Variants in ADGRV1 observed in about 807,000 individuals in gnomAD.
ADGRV1 encodes the protein adhesion G protein-coupled receptor V1, also known as G-protein coupled receptor 98.
In ADGRV1, 359 loss-of-function variants were observed where a neutral mutation model predicts 596.2. The observed-to-expected ratio is 0.60, with a 90% CI of 0.55 to 0.66. The LOEUF is 0.66. Among genes scored for constraint, ADGRV1 ranks in the 30% least tolerant of loss-of-function variants. ADGRV1 has a pLI of 0.00. For missense variants in ADGRV1, 7,274 were observed against 7,575.6 expected (o/e 0.96, Z 1.48); for synonymous variants, 2,681 against 2,679.2 (o/e 1.00, Z -0.02).
At chr5:90,915,573 C>T (rs763448931) in intron 83 of ADGRV1, among the ~76,000 whole-genome samples, 2 of 152,130 alleles carry the variant, frequency 1.3e-5, no homozygotes, top group South Asian at 2.1e-4. Flanking sequence ...CAAAAATTAA[C>T]GCTGATTGTG....
intron 77 of ADGRV1, among the ~76,000 whole-genome samples, chr5:90,834,909 T>A (rs2150342139): frequency 6.6e-6 from 1 of 151,684 alleles, no homozygotes; most frequent in African/African-American, 2.4e-5. Context: ...TCTTTCTTTT[T>A]CTTTCTCTTT....
chr5:90,676,603 G>A (rs938106070), intron 25 of ADGRV1, among the ~76,000 whole-genome samples: 2 of 152,132 alleles, frequency 1.3e-5, no homozygotes, highest in African/African-American at 4.8e-5. Context: ...GCATGTTCGT[G>A]CTATTTTTCC....
chr5:90,913,931 T>G (rs1773123357), intron 83 of ADGRV1, among the ~76,000 whole-genome samples: 1 of 152,138 alleles, frequency 6.6e-6, no homozygotes, highest in South Asian at 2.1e-4. Flanking sequence ...TGCTATAATG[T>G]TTTTTCACCA....
chr5:90,685,827 C>G lies in ADGRV1; in HGVS notation c.6322C>G (p.Leu2108Val). The G allele has an allele frequency of 1.2e-6, 2 of 1,612,036 alleles. No individual in the cohort carries two copies. Among genetic ancestry groups the G allele is most frequent in the Non-Finnish European group, 1.7e-6 (2 of 1,178,860 alleles). The change falls in exon 29 of 90, where the codon CTA (leucine) becomes GTA (valine). Residue 2108 changes from leucine to valine, a missense_variant. By Grantham distance (32) the Leu-to-Val change is conservative (BLOSUM62 1). Transcript: ENST00000405460. ...LGPKVETIAQ[L>V]IIIANDDAFG... is the part of the protein sequence containing the mutation. ...GCCTAAGGTAGAAACTATTGCGCAA[C>G]TAATTATCATTGCCAATGATGATGC... is the stretch of plus-strand genomic sequence containing the variant.
intron 85 of ADGRV1, among the ~76,000 whole-genome samples, chr5:91,010,763 C>T (rs1336301863): frequency 6.6e-6 from 1 of 151,740 alleles, no homozygotes; most frequent in Admixed American, 6.6e-5. Context: ...TGATCTTAAT[C>T]TCTGAAAATA....
intron 85 of ADGRV1, among the ~76,000 whole-genome samples, chr5:91,058,632 G>A (rs1787121147): frequency 6.6e-6 from 1 of 152,020 alleles, no homozygotes; most frequent in Non-Finnish European, 1.5e-5. Context: ...AGTCACTGGT[G>A]GTGTGATGGT....
chr5:91,028,033 CTT>C (rs1412113333), intron 85 of ADGRV1, among the ~76,000 whole-genome samples: 1 of 87,654 alleles, frequency 1.1e-5, no homozygotes, highest in African/African-American at 3.8e-5. Flanking sequence ...CTTTTTTTTT[CTT>C]TCTTTTTTTT....
intron 85 of ADGRV1, among the ~76,000 whole-genome samples, chr5:91,044,924 C>T (rs1785664055): frequency 6.6e-6 from 1 of 152,018 alleles, no homozygotes; most frequent in Non-Finnish European, 1.5e-5. Context: ...TCATTAGTTT[C>T]TAAAGAAATT....
chr5:90,976,266 A>G (rs1007855579), intron 84 of ADGRV1, among the ~76,000 whole-genome samples: 5 of 145,622 alleles, frequency 3.4e-5, no homozygotes, highest in Admixed American at 1.4e-4. Flanking sequence ...TATAGTGTAT[A>G]TATGTTTACG....
intron 83 of ADGRV1, among the ~76,000 whole-genome samples, chr5:90,918,409 T>C (rs1168482942): frequency 6.6e-6 from 1 of 152,210 alleles, no homozygotes; most frequent in African/African-American, 2.4e-5. Context: ...TAGGTTTCAA[T>C]GTTCGGGCTA....
Position 90,696,955 on chromosome 5 carries a change from T to C in ADGRV1, c.7964T>C (p.Val2655Ala). The change falls in exon 34 of 90, where the codon GTC (valine) becomes GCC (alanine). Residue 2655 changes from valine to alanine, a missense_variant. By Grantham distance (64) the Val-to-Ala change is moderately conservative. This residue lies in a region of ADGRV1 where 3,643 missense variants were observed against 3,809.2 expected (regional missense o/e 0.96). Coordinates refer to ENST00000405460, the MANE Select transcript of ADGRV1 (RefSeq NM_032119.4). ...TFAEGETKKT[V>A]ILTILDDSEP... ...TTTATAGGTGAAACCAAAAAGACAG[T>C]CATTTTAACCATCTTGGATGACTCT... The C allele has an allele frequency of 6.2e-7, 1 of 1,610,676 alleles. No homozygotes were observed. The highest frequency in any genetic ancestry group is 1.1e-5 in the South Asian group (1 of 90,578).
At position 90,810,850 on chromosome 5, in the gene ADGRV1, G is replaced by A; in HGVS notation, c.15590G>A (p.Gly5197Asp). 1 of 1,613,960 alleles carries A rather than the reference G, an allele frequency of 6.2e-7. No individual in the cohort carries two copies. Among genetic ancestry groups the A allele is most frequent in the Non-Finnish European group, 8.5e-7 (1 of 1,179,892 alleles). Residue 5197 changes from glycine (G) to aspartate (D), a missense_variant, in exon 74 of 90, where the codon GGC (glycine) becomes GAC (aspartate). By Grantham distance (94) the Gly-to-Asp change is moderately conservative. Coordinates refer to ENST00000405460, the MANE Select transcript of ADGRV1 (RefSeq NM_032119.4). ...AIPEKLVTLHGTPAVSEKPDV... is the reference protein window; with the variant it reads ...AIPEKLVTLHDTPAVSEKPDV... ...CCTGAGAAACTTGTCACCCTTCATGGCACACCTGCTGTGTCTGAAAAGCCT... is the reference window on the plus strand; with the variant it reads ...CCTGAGAAACTTGTCACCCTTCATGACACACCTGCTGTGTCTGAAAAGCCT...
chr5:91,143,872 C>G (rs1298135164), intron 87 of ADGRV1, among the ~76,000 whole-genome samples: 1 of 152,210 alleles, frequency 6.6e-6, no homozygotes, highest in African/African-American at 2.4e-5. Context: ...CTCAGCCCCC[C>G]TCAGCCTCCC....
rs1327991604 is a variant in ADGRV1, at chr5:90,643,906, C to A, written c.2657C>A (p.Pro886His). 5 of 1,611,818 alleles carry A rather than the reference C, an allele frequency of 3.1e-6. No homozygotes were observed. Among genetic ancestry groups the A allele is most frequent in the Non-Finnish European group, 4.2e-6 (5 of 1,178,762 alleles). ...ATAACGATTCTGAAAAATGATGATC[C>A]TCATGGCATTATAGAATTTGTTTCT... is the stretch of plus-strand genomic sequence containing the variant. Reference protein sequence around the residue: ...VNITILKNDDPHGIIEFVSDG... With the variant: ...VNITILKNDDHHGIIEFVSDG... Residue 886 changes from proline (P) to histidine (H), a missense_variant, in exon 14 of 90, where the codon CCT (proline) becomes CAT (histidine). Coordinates refer to ENST00000405460, the MANE Select transcript of ADGRV1 (RefSeq NM_032119.4).
intron 77 of ADGRV1, among the ~76,000 whole-genome samples, chr5:90,833,343 G>A (rs186571497): frequency 6.6e-6 from 1 of 152,114 alleles, no homozygotes; most frequent in Non-Finnish European, 1.5e-5. Context: ...GGAGTGCTGT[G>A]GTGTGATCAT....
chr5:91,006,733 T>C (rs1422062005), intron 85 of ADGRV1, among the ~76,000 whole-genome samples: 1 of 152,076 alleles, frequency 6.6e-6, no homozygotes, highest in Non-Finnish European at 1.5e-5. Context: ...TAAGCATTTA[T>C]AATTTAATAT....
chr5:91,098,156 A>G (rs1251021216), intron 86 of ADGRV1, among the ~76,000 whole-genome samples: 1 of 152,226 alleles, frequency 6.6e-6, no homozygotes, highest in Non-Finnish European at 1.5e-5. Context: ...TTAGTAGTTC[A>G]TCAAATGCGA....
At position 90,706,406 on chromosome 5, in the gene ADGRV1, T is replaced by C. The variant is rs1156904866; in HGVS notation, c.8730+12T>C. ...TTACCATTCTTGAGGTAAAACTCTT[T>C]TTTTTTTTTAATCTTAGGGGGAGAT... On this transcript the variant is annotated intron_variant, in intron 38 of 89. Coordinates refer to ENST00000405460, the MANE Select transcript of ADGRV1 (RefSeq NM_032119.4). 7 of 1,547,934 alleles carry C rather than the reference T, an allele frequency of 4.5e-6. No individual in the cohort carries two copies. The Admixed American group carries it at 1.5e-4, about 34-fold the overall frequency.
At chr5:90,662,230 C>A (rs1461758166) in intron 21 of ADGRV1, among the ~76,000 whole-genome samples, 3 of 142,206 alleles carry the variant, frequency 2.1e-5, no homozygotes, top group Non-Finnish European at 4.5e-5. Context: ...CGCTCTGTCG[C>A]CCACCCAGGC....
Sources: gnomAD v4.1 joint callset for allele counts (sites outside exome capture counted in the v4.1 genomes callset) on GRCh38, gnomAD v4.1.1 for gene constraint, gnomAD v4.1.1 regional missense constraint, MANE v1.5 for transcripts, NCBI Gene and HGNC (gene_info 2026-07-23, HGNC 2026-07-21) for gene names.